CCDC88A: variants seen among roughly 807,000 people sequenced by gnomAD.
The protein encoded by CCDC88A is coiled-coil and HOOK domain protein 88A, also known as girdin.
CCDC88A carries 54 observed loss-of-function variants against 234.3 expected under a neutral mutation model. That is an observed-to-expected ratio of 0.23 (90% CI 0.19 to 0.29). The LOEUF is 0.29. Ranked by LOEUF, CCDC88A falls within the 10% of genes least tolerant of loss-of-function variation. The pLI, the probability that CCDC88A is intolerant of heterozygous loss-of-function variation, is 1.00. For synonymous variants in CCDC88A, 753 were observed against 737.8 expected, an observed-to-expected ratio of 1.02 and a Z score of -0.33; for missense variants, 1,832 against 2,123.4, an observed-to-expected ratio of 0.86 and a Z score of 2.70.
rs181554705 is a variant in CCDC88A, at chr2:55,288,822, C to T, written c.*2378G>A. 1.3e-5 allele frequency: 2 copies of T among 152,176 alleles called. No individual in the cohort carries two copies. Among genetic ancestry groups the T allele is most frequent in the Non-Finnish European group, 1.5e-5 (1 of 67,986 alleles). 9.4% of individuals were successfully genotyped at this position (152,176 alleles called of 1,614,324 possible). A position where few individuals can be genotyped will look rare whatever the true frequency, so the allele number is the denominator to read the frequency against. On this transcript the variant is annotated 3_prime_UTR_variant, in exon 33 of 33. Coordinates refer to ENST00000436346, the MANE Select transcript of CCDC88A (RefSeq NM_001365480.1). Reference sequence around the variant, plus strand: ...CCGGTTAGGAAAATGAAAATGGCTCCGATTCGTTTCCAGTTGGCTTTATTA... The same window carrying T: ...CCGGTTAGGAAAATGAAAATGGCTCTGATTCGTTTCCAGTTGGCTTTATTA...
chr2:55,295,437 G>A (rs1463251786), intron 31 of CCDC88A, 160 bp downstream of exon 31: 2 of 1,553,272 alleles, frequency 1.3e-6, no homozygotes, highest in South Asian at 2.4e-5. Flanking sequence ...AGTGGCAAAA[G>A]TTTGGTTTAG....
chr2:55,388,762 TA>T lies in CCDC88A; in HGVS notation c.273+15del. On this transcript the variant is annotated intron_variant, in intron 3 of 32. Coordinates refer to ENST00000436346, the MANE Select transcript of CCDC88A (RefSeq NM_001365480.1). The stretch of plus-strand genomic sequence containing the variant: ...AGTAGTTATTAAAACCCCAGATTTT[TA>T]AAAAGAGCACTTACCTGGTAATAAA... 1 of 998,878 alleles carries T rather than the reference TA, an allele frequency of 1.0e-6. No individual in the cohort carries two copies. The allele number at this position is 998,878 out of a possible 1,614,324, so 61.9% of individuals were successfully genotyped here. A position where few individuals can be genotyped will look rare whatever the true frequency, so the allele number is the denominator to read the frequency against.
In CCDC88A at chr2:55,317,239, G is replaced by T; in HGVS notation, c.3713C>A (p.Ala1238Glu). The T allele has an allele frequency of 6.5e-7, 1 of 1,542,136 alleles. No individual in the cohort carries two copies. The highest frequency in any genetic ancestry group is 8.8e-7 in the Non-Finnish European group (1 of 1,140,162). ...LENKNHETVA[A>E]EYKKLCGEND... ...TTCACCACAAAGTTTCTTGTATTCT[G>T]CAGCTACTGTTTCATGATTTTTATT... The change falls in exon 21 of 33, where the codon GCA (alanine) becomes GAA (glutamate). Residue 1238 changes from alanine to glutamate, a missense_variant. By Grantham distance (107) the Ala-to-Glu change is moderately radical (BLOSUM62 -1). This residue lies in a region of CCDC88A where 1,282 missense variants were observed against 1,543.6 expected (regional missense o/e 0.83). Transcript: ENST00000436346. The surrounding 1 kb of genome is among the most constrained non-coding windows in gnomAD (Gnocchi z 4.2).
intron 9 of CCDC88A, chr2:55,348,550 G>C (rs554766719): frequency 1.2e-4 from 18 of 152,328 alleles, no homozygotes; most frequent in African/African-American, 3.4e-4. Context: ...TGGGATTACT[G>C]ACGTGAGCCA....
At chr2:55,375,202 C>T (rs1319192184) in intron 3 of CCDC88A, among the ~76,000 whole-genome samples, 4 of 152,054 alleles carry the variant, frequency 2.6e-5, no homozygotes, top group African/African-American at 9.6e-5. Context: ...AGACCTTCAT[C>T]TCTACACACA....
chr2:55,378,030 AAAC>A (rs1486215359), intron 3 of CCDC88A, among the ~76,000 whole-genome samples: 3 of 152,220 alleles, frequency 2.0e-5, no homozygotes, highest in Non-Finnish European at 4.4e-5. Context: ...GATCAACCGG[AAAC>A]AACAACTTAC....
intron 3 of CCDC88A, among the ~76,000 whole-genome samples, chr2:55,377,470 T>TTA (rs901308925): frequency 2.6e-5 from 4 of 151,828 alleles, no homozygotes; most frequent in Non-Finnish European, 5.9e-5. Flanking sequence ...ATTTTTTTTT[T>TTA]AAATCATAAA....
chr2:55,302,028 T>C lies in CCDC88A; in HGVS notation c.4516A>G (p.Thr1506Ala), dbSNP rs907403061. Residue 1506 changes from threonine (T) to alanine (A), a missense_variant, in exon 27 of 33, where the codon ACA (threonine) becomes GCA (alanine). Coordinates refer to ENST00000436346, the MANE Select transcript of CCDC88A (RefSeq NM_001365480.1). Reference sequence around the variant, plus strand: ...ACCTCCAAATTCTCAGTACTACCTGTCCACTGTCCTGCTAGGACCATGGAC... The same window carrying C: ...ACCTCCAAATTCTCAGTACTACCTGCCCACTGTCCTGCTAGGACCATGGAC... ...VQSMVLAGQW[T>A]GSTENLEVPD... The C allele has an allele frequency of 3.1e-6, 5 of 1,614,182 alleles. No homozygotes were observed. The highest frequency in any genetic ancestry group is 4.2e-6 in the Non-Finnish European group (5 of 1,179,998).
intron 5 of CCDC88A, among the ~76,000 whole-genome samples, chr2:55,369,761 A>T (rs894063795): frequency 7.9e-5 from 12 of 151,998 alleles, no homozygotes; most frequent in African/African-American, 2.9e-4. Flanking sequence ...TTTTCTCAAC[A>T]TCTTTGCTCT....
intron 11 of CCDC88A, 153 bp from the exon 12 acceptor site, chr2:55,343,945 T>C (rs1177104928): frequency 1.7e-6 from 1 of 597,200 alleles, no homozygotes; most frequent in Non-Finnish European, 2.8e-6. Flanking sequence ...ATTATAATTA[T>C]TACCGGTCAT....
At chr2:55,337,396 C>T (rs1469525762) in intron 13 of CCDC88A, 1 of 151,940 alleles carries the variant, frequency 6.6e-6, no homozygotes, top group Non-Finnish European at 1.5e-5. Flanking sequence ...TTAATATGTA[C>T]AAAATAGCAA....
At chr2:55,400,822 T>C (rs1039837312) in intron 2 of CCDC88A, among the ~76,000 whole-genome samples, 1 of 152,246 alleles carries the variant, frequency 6.6e-6, no homozygotes, top group Non-Finnish European at 1.5e-5. Flanking sequence ...TGGTTTTTGA[T>C]CATGGCACTG....
chr2:55,334,458 T>A lies in CCDC88A; in HGVS notation c.2363A>T (p.Asp788Val). The change falls in exon 15 of 33, where the codon GAC becomes GTC. Residue 788 changes from aspartate to valine, a missense_variant. This residue lies in a region of CCDC88A where 1,282 missense variants were observed against 1,543.6 expected (regional missense o/e 0.83). Coordinates refer to ENST00000436346, the MANE Select transcript of CCDC88A (RefSeq NM_001365480.1). This position sits in a 1 kb window ranked among gnomAD's most constrained non-coding sequence, Gnocchi z 6.1. ...KIQQLESELQ[D>V]LEMENQTLQK... ...CAATGTTTGATTTTCCATCTCTAAGTCTTGTAGTTCACTCTCTAATTGCTG... is the reference window on the plus strand; with the variant it reads ...CAATGTTTGATTTTCCATCTCTAAGACTTGTAGTTCACTCTCTAATTGCTG... The A allele has an allele frequency of 6.3e-7, 1 of 1,597,526 alleles. No individual in the cohort carries two copies. Among genetic ancestry groups the A allele is most frequent in the Non-Finnish European group, 8.5e-7 (1 of 1,175,054 alleles).
chr2:55,343,854 ATACTT>A (rs1244557542), intron 11 of CCDC88A, 62 bp from the exon 12 acceptor site: 1 of 1,301,440 alleles, frequency 7.7e-7, no homozygotes, highest in Non-Finnish European at 1.0e-6. Flanking sequence ...TTTTGAGCAA[ATACTT>A]TATTTCTCAC....
At chr2:55,340,940 T>G (rs186660326) in intron 12 of CCDC88A, among the ~76,000 whole-genome samples, 2 of 152,240 alleles carry the variant, frequency 1.3e-5, no homozygotes, top group Admixed American at 1.3e-4. Context: ...TTGTGTCCTT[T>G]GACCAACATC....
rs1443859477 is a variant in CCDC88A, at chr2:55,301,283, TA to T, written c.4673-7del. ...GTCTTCAAAGGATGTAGTATCTACA[TA>T]AAATAGCAAAATGGATATAAAGATA... On this transcript the variant is annotated splice_region_variant and splice_polypyrimidine_tract_variant and intron_variant, in intron 27 of 32. Transcript: ENST00000436346. 3.4e-6 allele frequency: 5 copies of T among 1,477,186 alleles called. No homozygotes were observed. The East Asian group carries it at 6.9e-5, about 20-fold the overall frequency. The allele number at this position is 1,477,186 out of a possible 1,614,324, so 91.5% of individuals were successfully genotyped here.
At chr2:55,331,164 C>CATAT (rs1684868058) in intron 16 of CCDC88A, among the ~76,000 whole-genome samples, 3 of 152,152 alleles carry the variant, frequency 2.0e-5, no homozygotes, top group Non-Finnish European at 4.4e-5. Flanking sequence ...ACATGCAGTA[C>CATAT]AGTGTCTTAC....
chr2:55,322,294 A>T (rs897074465), intron 18 of CCDC88A, among the ~76,000 whole-genome samples: 3 of 152,236 alleles, frequency 2.0e-5, no homozygotes, highest in African/African-American at 7.2e-5. Flanking sequence ...CTTCTGCAGG[A>T]CATATGATAT....
At chr2:55,408,120 C>T (rs1211537525) in intron 2 of CCDC88A, among the ~76,000 whole-genome samples, 1 of 151,996 alleles carries the variant, frequency 6.6e-6, no homozygotes, top group Non-Finnish European at 1.5e-5. Context: ...CTCCACTTTA[C>T]GTATCTTCAT....
Sources: allele counts gnomAD v4.1 joint callset (sites outside exome capture counted in the v4.1 genomes callset), GRCh38; gene constraint gnomAD v4.1.1; regional missense constraint gnomAD v4.1.1; non-coding constraint Gnocchi (gnomAD v3.1); transcripts MANE v1.5; gene names NCBI Gene and HGNC (gene_info 2026-07-23, HGNC 2026-07-21).